The following CFAP299 variants were observed in gnomAD, a reference collection of about 807,000 sequenced individuals.
The protein encoded by CFAP299 is cilia- and flagella-associated protein 299.
In CFAP299, 21 loss-of-function variants were observed where a neutral mutation model predicts 27.0. The ratio of observed to expected loss-of-function variants is 0.78; its 90% CI spans 0.55 to 1.12. The LOEUF (loss-of-function observed/expected upper bound fraction) is 1.12. CFAP299 is among the 50% of genes most tolerant of loss of function. The pLI is 0.00. For synonymous variants in CFAP299, 104 were observed against 98.1 expected (o/e 1.06, Z -0.36); for missense variants, 310 against 276.6 (o/e 1.12, Z -0.86).
At position 80,362,871 on chromosome 4, in the gene CFAP299, A is replaced by G. The variant is rs1416096539; in HGVS notation, c.229A>G (p.Arg77Gly). The G allele has an allele frequency of 1.2e-6, 2 of 1,607,692 alleles. No homozygotes were observed. Among genetic ancestry groups the G allele is most frequent in the Middle Eastern group, 1.7e-4 (1 of 6,034 alleles). ...TATAGAGATTGCAAGACTGGCTGAA[A>G]GAGCTCAGCAAAAGTAAGTGTCCAT... ...AAIEIARLAERAQQKTLTSAG... is the reference protein window; with the variant it reads ...AAIEIARLAEGAQQKTLTSAG... The change falls in exon 2 of 6, where the codon AGA becomes GGA. Residue 77 changes from arginine to glycine, a missense_variant. Physicochemically the swap from Arg to Gly is moderately radical, Grantham distance 125 (BLOSUM62 -2). Coordinates refer to ENST00000358105, the MANE Select transcript of CFAP299 (RefSeq NM_152770.3).
At chr4:80,552,276 T>C (rs920897350) in intron 2 of CFAP299, among the ~76,000 whole-genome samples, 6 of 152,222 alleles carry the variant, frequency 3.9e-5, no homozygotes, top group African/African-American at 1.4e-4. Context: ...GAAGTTACCA[T>C]ATATGATTTC....
intron 3 of CFAP299, among the ~76,000 whole-genome samples, chr4:80,663,126 A>T (rs183399601): frequency 7.2e-5 from 11 of 151,962 alleles, no homozygotes; most frequent in East Asian, 1.9e-4. Flanking sequence ...CATTTTTAAA[A>T]TTTTTTTATT....
chr4:80,472,863 C>T (rs1730076423), intron 2 of CFAP299, among the ~76,000 whole-genome samples: 1 of 152,178 alleles, frequency 6.6e-6, no homozygotes, highest in African/African-American at 2.4e-5. Context: ...AGGTTGGCTA[C>T]TCCTGGATTC....
At chr4:80,897,533 T>G (rs1227649554) in intron 4 of CFAP299, among the ~76,000 whole-genome samples, 1 of 152,078 alleles carries the variant, frequency 6.6e-6, no homozygotes, top group Non-Finnish European at 1.5e-5. Flanking sequence ...AAGAAACAGA[T>G]TCTAGGTTTA....
chr4:80,584,005 G>A lies in CFAP299; in HGVS notation c.333+822G>A, dbSNP rs75019809. Among the ~76,000 whole-genome samples the A allele has an allele frequency of 6.8e-3, 1,033 of 151,938 alleles. 13 individuals carry two copies. The highest frequency in any genetic ancestry group is 0.024 in the African/African-American group (992 of 41,476). Reference sequence around the variant, plus strand: ...ATCAGGTCCACTGAAAATATCACATGCAGGCAAAACCCTCAATGTAGTTCA... The same window carrying A: ...ATCAGGTCCACTGAAAATATCACATACAGGCAAAACCCTCAATGTAGTTCA... On this transcript the variant is annotated intron_variant, in intron 3 of 5. Coordinates refer to ENST00000358105, the MANE Select transcript of CFAP299 (RefSeq NM_152770.3).
rs34922224 is a variant in CFAP299, at chr4:80,577,397, A to ATTTTTT, written c.243-5677_243-5672dup. On this transcript the variant is annotated intron_variant, in intron 2 of 5. Coordinates refer to ENST00000358105, the MANE Select transcript of CFAP299 (RefSeq NM_152770.3). ...ATTAAGAAACTGCTTATTAGAAAAC[A>ATTTTTT]TTTTTTTTTTTTTTTTTTTTTTTTG... Among the ~76,000 whole-genome samples the ATTTTTT allele has an allele frequency of 1.2e-3, 120 of 98,834 alleles. 1 individual carries two copies. Among genetic ancestry groups the ATTTTTT allele is most frequent in the African/African-American group, 2.4e-3 (59 of 24,232 alleles). The allele number at this position is 98,834 out of a possible 152,430, so 64.8% of individuals were successfully genotyped here. A position where few individuals can be genotyped will look rare whatever the true frequency, so the allele number is the denominator to read the frequency against.
intron 5 of CFAP299, among the ~76,000 whole-genome samples, chr4:80,959,843 T>C (rs555360109): frequency 1.3e-5 from 2 of 151,920 alleles, no homozygotes; most frequent in East Asian, 3.9e-4. Flanking sequence ...TAGAGGACAT[T>C]TGGACATTTG....
chr4:80,390,686 C>CTGTACACACATATGT (rs1725338995), intron 2 of CFAP299, among the ~76,000 whole-genome samples: 1 of 139,542 alleles, frequency 7.2e-6, no homozygotes, highest in Admixed American at 7.3e-5. Flanking sequence ...TGTATACACA[C>CTGTACACACATATGT]ATATATGTGT....
chr4:80,585,676 G>A (rs1354394190), intron 3 of CFAP299, among the ~76,000 whole-genome samples: 2 of 152,128 alleles, frequency 1.3e-5, no homozygotes, highest in African/African-American at 4.8e-5. Context: ...TGGTTAATGT[G>A]ATCAGACATG....
intron 2 of CFAP299, among the ~76,000 whole-genome samples, chr4:80,372,027 G>A (rs576426289): frequency 9.2e-5 from 14 of 152,284 alleles, no homozygotes; most frequent in African/African-American, 3.1e-4. Context: ...CTAAGACTGG[G>A]TAATTTATAA....
intron 4 of CFAP299, chr4:80,870,707 T>C (rs1274622568): frequency 4.1e-6 from 4 of 985,374 alleles, no homozygotes; most frequent in Non-Finnish European, 2.4e-6. Flanking sequence ...CTAAATAGCA[T>C]GCAAGCTAAA....
chr4:80,526,245 A>G (rs1162754552), intron 2 of CFAP299, among the ~76,000 whole-genome samples: 3 of 152,138 alleles, frequency 2.0e-5, no homozygotes, highest in Admixed American at 1.3e-4. Flanking sequence ...TTAAGAAGTA[A>G]AGAAAATATA....
intron 3 of CFAP299, among the ~76,000 whole-genome samples, chr4:80,735,319 C>T (rs370206354): frequency 1.2e-4 from 18 of 152,090 alleles, no homozygotes; most frequent in African/African-American, 4.3e-4. Context: ...GAGTTTATTA[C>T]TTCTAATAGT....
At chr4:80,425,452 A>G (rs934056218) in intron 2 of CFAP299, among the ~76,000 whole-genome samples, 1 of 152,196 alleles carries the variant, frequency 6.6e-6, no homozygotes, top group Admixed American at 6.5e-5. Context: ...GAATGCAAGT[A>G]GCTTTGGGGA....
intron 3 of CFAP299, among the ~76,000 whole-genome samples, chr4:80,699,847 C>G (rs1721357907): frequency 6.6e-6 from 1 of 152,110 alleles, no homozygotes; most frequent in Non-Finnish European, 1.5e-5. Context: ...AAGAAGTAGG[C>G]AATGGCTGTA....
chr4:80,586,746 A>C (rs1321829346), intron 3 of CFAP299, among the ~76,000 whole-genome samples: 1 of 152,182 alleles, frequency 6.6e-6, no homozygotes, highest in Non-Finnish European at 1.5e-5. Context: ...AAAAAATAAA[A>C]CATTTCCTTT....
the CFAP299 span, among the ~76,000 whole-genome samples, chr4:80,327,875 C>T: frequency 6.6e-6 from 1 of 150,724 alleles, no homozygotes; most frequent in East Asian, 1.9e-4. Flanking sequence ...AGAAGTTTAG[C>T]CAAGGTGGTG....
chr4:80,598,133 A>G (rs1230999072), intron 3 of CFAP299, among the ~76,000 whole-genome samples: 1 of 152,216 alleles, frequency 6.6e-6, no homozygotes, highest in Non-Finnish European at 1.5e-5. Context: ...AGTTTTCAGT[A>G]TACAAATGCC....
At chr4:80,509,429 A>G (rs887712277) in intron 2 of CFAP299, among the ~76,000 whole-genome samples, 2 of 152,232 alleles carry the variant, frequency 1.3e-5, no homozygotes, top group Non-Finnish European at 2.9e-5. Flanking sequence ...GTGAAAGCTA[A>G]GTAAATACCA....
Sources: gnomAD v4.1 joint callset for allele counts (sites outside exome capture counted in the v4.1 genomes callset) on GRCh38, gnomAD v4.1.1 for gene constraint, MANE v1.5 for transcripts, NCBI Gene and HGNC (gene_info 2026-07-23, HGNC 2026-07-21) for gene names.